Variants in CCSER1 observed in about 807,000 individuals in gnomAD.
The protein encoded by CCSER1 is serine-rich coiled-coil domain-containing protein 1.
Under a neutral mutation model 82.0 loss-of-function variants are expected in CCSER1, and 41 were observed. The ratio of observed to expected loss-of-function variants is 0.50; its 90% confidence interval spans 0.39 to 0.65. The LOEUF is 0.65. CCSER1 is among the 30% of genes least tolerant of loss of function. CCSER1 has a pLI of 0.00. For synonymous variants in CCSER1, 414 were observed against 383.9 expected (o/e 1.08, Z -0.92); for missense variants, 1,119 against 1,064.2 (o/e 1.05, Z -0.72).
intron 1 of CCSER1, among the ~76,000 whole-genome samples, chr4:90,128,899 C>G (rs897741054): frequency 6.6e-6 from 1 of 151,662 alleles, no homozygotes; most frequent in Non-Finnish European, 1.5e-5. Flanking sequence ...TCTCGTGGGA[C>G]ATGGAATATG....
intron 1 of CCSER1, among the ~76,000 whole-genome samples, chr4:90,270,324 C>G (rs7659029): frequency 0.049 from 7,383 of 152,020 alleles, 478 homozygotes; most frequent in African/African-American, 0.15. Context: ...TAATGACCAA[C>G]TGGGATTTAT....
At chr4:91,126,064 T>C (rs1046554029) in intron 10 of CCSER1, among the ~76,000 whole-genome samples, 2 of 151,552 alleles carry the variant, frequency 1.3e-5, no homozygotes, top group Non-Finnish European at 3.0e-5. Context: ...AAGTTATAGA[T>C]AAGTTAGTAT....
chr4:90,296,391 A>C (rs1432921731), intron 1 of CCSER1, among the ~76,000 whole-genome samples: 1 of 152,124 alleles, frequency 6.6e-6, no homozygotes, highest in Non-Finnish European at 1.5e-5. Flanking sequence ...TCTGGATATT[A>C]GCCCTTTGCC....
At chr4:91,051,647 C>T (rs1225159308) in intron 9 of CCSER1, among the ~76,000 whole-genome samples, 2 of 152,026 alleles carry the variant, frequency 1.3e-5, no homozygotes, top group Non-Finnish European at 2.9e-5. Flanking sequence ...GTAAATTGTG[C>T]TAGGATAAAA....
intron 10 of CCSER1, among the ~76,000 whole-genome samples, chr4:91,496,610 A>T (rs1230790327): frequency 1.0e-4 from 2 of 19,952 alleles, no homozygotes; most frequent in African/African-American, 2.3e-4. Flanking sequence ...TTGAATATAT[A>T]TATACACGAA....
At chr4:90,621,638 T>A (rs1424354588) in intron 5 of CCSER1, among the ~76,000 whole-genome samples, 2 of 152,238 alleles carry the variant, frequency 1.3e-5, no homozygotes. Flanking sequence ...CTGTAAATTG[T>A]TTTTCTGCTT....
At chr4:90,942,932 AT>A (rs1731766063) in intron 9 of CCSER1, among the ~76,000 whole-genome samples, 2 of 146,268 alleles carry the variant, frequency 1.4e-5, no homozygotes, top group South Asian at 4.2e-4. Context: ...ATATTATATA[AT>A]TTTTAAATTA....
At chr4:90,538,816 T>C (rs575444472) in intron 5 of CCSER1, among the ~76,000 whole-genome samples, 1 of 152,250 alleles carries the variant, frequency 6.6e-6, no homozygotes, top group Non-Finnish European at 1.5e-5. Flanking sequence ...ATCTTAATTA[T>C]AATGAGAAAT....
At chr4:90,562,613 C>T (rs140877541) in intron 5 of CCSER1, among the ~76,000 whole-genome samples, 10 of 152,120 alleles carry the variant, frequency 6.6e-5, no homozygotes, top group Middle Eastern at 3.4e-3. Context: ...TCTCAGCTCA[C>T]GGCAGCCTTG....
At chr4:91,560,071 G>A (rs1021932553) in intron 10 of CCSER1, among the ~76,000 whole-genome samples, 2 of 151,296 alleles carry the variant, frequency 1.3e-5, no homozygotes, top group South Asian at 2.1e-4. Flanking sequence ...AATAGATATT[G>A]TTTTAAATGC....
intron 10 of CCSER1, among the ~76,000 whole-genome samples, chr4:91,301,536 T>C (rs533856522): frequency 1.4e-5 from 2 of 145,624 alleles, no homozygotes; most frequent in East Asian, 3.9e-4. Context: ...ATATATAAAA[T>C]ATAGTATATA....
intron 4 of CCSER1, among the ~76,000 whole-genome samples, chr4:90,410,159 T>C (rs1578332212): frequency 6.6e-6 from 1 of 152,134 alleles, no homozygotes; most frequent in Non-Finnish European, 1.5e-5. Flanking sequence ...CAAAGAGACA[T>C]AGATTCCCAC....
rs538991931 is a variant in CCSER1 at position 90,400,487 on chromosome 4, T to A, written c.1603+358T>A. On this transcript the variant is annotated intron_variant, in intron 4 of 10. Transcript: ENST00000509176. ...AATCTCACTTTTCATTTATTTTATA[T>A]AACCAAATGGAAGTTTTGTGGATCT... Among the ~76,000 whole-genome samples, 63 of 152,278 alleles carry A rather than the reference T, an allele frequency of 4.1e-4. No homozygotes were observed. The South Asian group carries it at 0.01, about 25-fold the overall frequency.
intron 7 of CCSER1, among the ~76,000 whole-genome samples, chr4:90,740,748 G>A (rs1420150638): frequency 2.0e-5 from 3 of 151,858 alleles, no homozygotes; most frequent in Non-Finnish European, 4.4e-5. Flanking sequence ...TTCCAGGTTG[G>A]TGTCTTGGAT....
rs575587587 is a variant in CCSER1 at position 91,104,871 on chromosome 4, T to A, written c.2217+18877T>A. Among the ~76,000 whole-genome samples the A allele has an allele frequency of 7.9e-5, 12 of 152,310 alleles. No individual in the cohort carries two copies. The East Asian group carries it at 2.3e-3, about 29-fold the overall frequency. On this transcript the variant is annotated intron_variant, in intron 10 of 10. Transcript: ENST00000509176. ...TAATAAGGGCAATAATCAGATAGGATTAGAGCCCAGCCTAACAGCCTCATT... is the reference window on the plus strand; with the variant it reads ...TAATAAGGGCAATAATCAGATAGGAATAGAGCCCAGCCTAACAGCCTCATT...
At chr4:91,000,291 T>TATATATATATA (rs2150474791) in intron 9 of CCSER1, among the ~76,000 whole-genome samples, 1 of 151,960 alleles carries the variant, frequency 6.6e-6, no homozygotes, top group East Asian at 1.9e-4. Context: ...ATAGTTTAGG[T>TATATATATATA]TACATACTAC....
At chr4:91,392,617 A>G (rs886832563) in intron 10 of CCSER1, among the ~76,000 whole-genome samples, 7 of 152,060 alleles carry the variant, frequency 4.6e-5, no homozygotes, top group African/African-American at 1.7e-4. Flanking sequence ...TTTTCTTTAG[A>G]GTCATATATA....
At chr4:91,477,841 A>C (rs982580601) in intron 10 of CCSER1, among the ~76,000 whole-genome samples, 5 of 151,810 alleles carry the variant, frequency 3.3e-5, no homozygotes, top group African/African-American at 1.2e-4. Context: ...TATATGCATC[A>C]AATTCTTCTT....
intron 10 of CCSER1, among the ~76,000 whole-genome samples, chr4:91,178,961 G>A (rs1423770067): frequency 6.6e-6 from 1 of 152,066 alleles, no homozygotes; most frequent in South Asian, 2.1e-4. Context: ...TCCATTTTTA[G>A]TGCTTCCTTA....
Sources: gnomAD v4.1 joint callset for allele counts (sites outside exome capture counted in the v4.1 genomes callset) on GRCh38, gnomAD v4.1.1 for gene constraint, MANE v1.5 for transcripts, NCBI Gene and HGNC (gene_info 2026-07-23, HGNC 2026-07-21) for gene names.